The following MRM2 variants were observed in gnomAD, a reference collection of about 807,000 sequenced individuals.
The protein encoded by MRM2 is mitochondrial rRNA methyltransferase 2, also known as rRNA methyltransferase 2, mitochondrial.
A neutral mutation model predicts 10.9 loss-of-function variants in MRM2; 15 were observed. The ratio of observed to expected loss-of-function variants is 1.37; its 90% confidence interval spans 0.92 to 2.11. MRM2 has a LOEUF of 2.11. Among genes scored for constraint, MRM2 ranks in the 30% most tolerant of loss-of-function variants. The probability of loss-of-function intolerance (pLI) is 0.00; values close to 1 mark genes in which losing one functional copy is unlikely to be tolerated. For missense variants in MRM2, 328 were observed against 321.3 expected, an observed-to-expected ratio of 1.02 and a Z score of -0.16; for synonymous variants, 139 against 128.7, an observed-to-expected ratio of 1.08 and a Z score of -0.54.
rs1341135683 is a variant in MRM2 at position 2,234,366 on chromosome 7, C to G, written c.*756G>C. ...ATTTCCAGCAAAAACCAAAGCAGACCCACTGCCTGGATAAATTCAGACCAT... is the reference window on the plus strand; with the variant it reads ...ATTTCCAGCAAAAACCAAAGCAGACGCACTGCCTGGATAAATTCAGACCAT... On this transcript the variant is annotated 3_prime_UTR_variant, in exon 3 of 3. Coordinates refer to ENST00000242257, the MANE Select transcript of MRM2 (RefSeq NM_013393.3). The G allele has an allele frequency of 1.3e-5, 2 of 151,984 alleles. No individual in the cohort carries two copies. The highest frequency in any genetic ancestry group is 2.9e-5 in the Non-Finnish European group (2 of 68,040). 9.4% of individuals were successfully genotyped at this position (151,984 alleles called of 1,614,324 possible).
chr7:2,235,631 T>G (rs1005402181), intron 2 of MRM2, 67 bp from the exon 3 acceptor site: 3 of 1,065,202 alleles, frequency 2.8e-6, no homozygotes, highest in Non-Finnish European at 4.1e-6. Context: ...ATACAGTACA[T>G]GCAACAAAGT....
At chr7:2,237,336 A>G (rs953748320) in intron 2 of MRM2, among the ~76,000 whole-genome samples, 19 of 152,144 alleles carry the variant, frequency 1.2e-4, no homozygotes, top group African/African-American at 4.3e-4. Flanking sequence ...TCACTCCTAT[A>G]ATATCCAGTA....
At chr7:2,239,001 AT>A (rs1367881721) in intron 2 of MRM2, 21,213 of 113,470 alleles carry the variant, frequency 0.19, 3,515 homozygotes, top group African/African-American at 0.29. Context: ...ATATATATAT[AT>A]ATATATATAT....
chr7:2,234,979 GAGAA>G lies in MRM2; in HGVS notation c.*139_*142del. On this transcript the variant is annotated 3_prime_UTR_variant, in exon 3 of 3. Transcript: ENST00000242257. ...CTCTTTTTGGTTAAAAAGAGAGAGA[GAGAA>G]AGAGAGAGAGAGACTCCCCACTTGT... is the stretch of plus-strand genomic sequence containing the variant. 1.6e-6 allele frequency: 1 copy of G among 643,958 alleles called. No homozygotes were observed. The highest frequency in any genetic ancestry group is 2.0e-5 in the South Asian group (1 of 50,618). 39.9% of individuals were successfully genotyped at this position (643,958 alleles called of 1,614,324 possible).
intron 2 of MRM2, among the ~76,000 whole-genome samples, chr7:2,236,724 C>T (rs931044391): frequency 1.1e-4 from 16 of 152,186 alleles, no homozygotes; most frequent in Non-Finnish European, 2.1e-4. Flanking sequence ...ACCGTTGGAA[C>T]AGCCTTTCTG....
Position 2,241,093 on chromosome 7 carries a change from T to C in MRM2, c.8+1069A>G, listed in dbSNP as rs138348184. On this transcript the variant is annotated intron_variant, in intron 1 of 2. Coordinates refer to ENST00000242257, the MANE Select transcript of MRM2 (RefSeq NM_013393.3). ...CACAGCTGACTGCAGCCACAGCCTC[T>C]GGGGCTCAAGTGAACCTCCCACCTC... Among the ~76,000 whole-genome samples the C allele has an allele frequency of 3.3e-3, 507 of 152,334 alleles. 3 individuals carry two copies. The highest frequency in any genetic ancestry group is 0.011 in the African/African-American group (476 of 41,578).
intron 2 of MRM2, chr7:2,238,217 C>T (rs1190587935): frequency 6.6e-6 from 1 of 152,192 alleles, no homozygotes; most frequent in Non-Finnish European, 1.5e-5. Context: ...ATGCAGCTAC[C>T]CTGGCTTTAC....
chr7:2,236,868 G>A (rs73041400), intron 2 of MRM2, among the ~76,000 whole-genome samples: 4,428 of 152,218 alleles, frequency 0.029, 101 homozygotes, highest in South Asian at 0.055. Context: ...TGTGAAGAGG[G>A]GGCTTTGAAT....
At chr7:2,236,229 C>CAAAAGA (rs373214324) in intron 2 of MRM2, among the ~76,000 whole-genome samples, 22 of 151,854 alleles carry the variant, frequency 1.4e-4, no homozygotes, top group Non-Finnish European at 2.4e-4. Context: ...GACTCGATCT[C>CAAAAGA]AAAAGAAAAA....
Position 2,242,178 on chromosome 7 carries a change from C to G in MRM2, c.-9G>C. 1 of 1,584,252 alleles carries G rather than the reference C, an allele frequency of 6.3e-7. No individual in the cohort carries two copies. Among genetic ancestry groups the G allele is most frequent in the Non-Finnish European group, 8.5e-7 (1 of 1,170,264 alleles). Reference sequence around the variant, plus strand: ...CCAGCTCACCCCGCCATTGGTGTTCCCCGCGCCTGCAGCGCGCCGCCGGAA... The same window carrying G: ...CCAGCTCACCCCGCCATTGGTGTTCGCCGCGCCTGCAGCGCGCCGCCGGAA... On this transcript the variant is annotated 5_prime_UTR_variant, in exon 1 of 3. Coordinates refer to ENST00000242257, the MANE Select transcript of MRM2 (RefSeq NM_013393.3).
intron 2 of MRM2, among the ~76,000 whole-genome samples, chr7:2,237,449 CT>C (rs1562400928): frequency 6.6e-6 from 1 of 152,288 alleles, no homozygotes; most frequent in Admixed American, 6.5e-5. Flanking sequence ...ACGCTCTCTC[CT>C]TCTGTCACTT....
At chr7:2,242,014 C>T in intron 1 of MRM2, 148 bp downstream of exon 1, 1 of 818,274 alleles carries the variant, frequency 1.2e-6, no homozygotes, top group East Asian at 3.4e-5. Flanking sequence ...GACCCGGAAT[C>T]CTGGCCTCGC....
Position 2,235,157 on chromosome 7 carries a change from G to A in MRM2, c.706C>T (p.Gln236Ter), listed in dbSNP as rs374833805. Residue 236 changes from glutamine (Q) to a stop codon, truncating the protein, a stop_gained, in exon 3 of 3, where the codon CAG becomes TAG. Transcript: ENST00000242257. LOFTEE classifies it high-confidence loss of function. ...ACAGTGCCCTTCCTTCCGTGGTACTGTGTGGCCAAGAAGTACACTTCTGAT... is the reference window on the plus strand; with the variant it reads ...ACAGTGCCCTTCCTTCCGTGGTACTATGTGGCCAAGAAGTACACTTCTGAT... ...ESSEVYFLAT[Q>*]YHGRKGTVKQ 6.2e-7 allele frequency: 1 copy of A among 1,613,894 alleles called. No individual in the cohort carries two copies. The highest frequency in any genetic ancestry group is 8.5e-7 in the Non-Finnish European group (1 of 1,179,920).
Position 2,242,205 on chromosome 7 carries a change from T to C in MRM2, c.-36A>G. On this transcript the variant is annotated 5_prime_UTR_variant, in exon 1 of 3. Transcript: ENST00000242257. ...CGCGCCTGCAGCGCGCCGCCGGAAGTGCCTGGCCTCACTTCCGGTCAGAGG... is the reference window on the plus strand; with the variant it reads ...CGCGCCTGCAGCGCGCCGCCGGAAGCGCCTGGCCTCACTTCCGGTCAGAGG... 6.4e-7 allele frequency: 1 copy of C among 1,565,960 alleles called. No individual in the cohort carries two copies. The highest frequency in any genetic ancestry group is 8.6e-7 in the Non-Finnish European group (1 of 1,162,472).
chr7:2,239,051 T>A, intron 2 of MRM2: 2 of 573,060 alleles, frequency 3.5e-6, no homozygotes, highest in Non-Finnish European at 6.5e-6. Context: ...TATGTATCAT[T>A]AAGCAAAAAT....
chr7:2,236,727 CCTTT>C (rs1397955112), intron 2 of MRM2, among the ~76,000 whole-genome samples: 1 of 152,176 alleles, frequency 6.6e-6, no homozygotes, highest in Admixed American at 6.5e-5. Context: ...GTTGGAACAG[CCTTT>C]CTGTTAAGCA....
chr7:2,236,216 C>T (rs112191370), intron 2 of MRM2, among the ~76,000 whole-genome samples: 3,452 of 152,026 alleles, frequency 0.023, 143 homozygotes, highest in African/African-American at 0.079. Flanking sequence ...GGCGACAGAG[C>T]GAGACTCGAT....
chr7:2,237,319 T>G (rs961148169), intron 2 of MRM2, among the ~76,000 whole-genome samples: 3 of 152,230 alleles, frequency 2.0e-5, no homozygotes, highest in Admixed American at 1.3e-4. Context: ...TTTATGCTCC[T>G]GAGCTTTCAC....
intron 2 of MRM2, chr7:2,238,102 G>A (rs1166976716): frequency 6.6e-6 from 1 of 152,144 alleles, no homozygotes; most frequent in Non-Finnish European, 1.5e-5. Context: ...CCCTGAGCCT[G>A]TTTTCTCACC....
Sources: allele counts gnomAD v4.1 joint callset (sites outside exome capture counted in the v4.1 genomes callset), GRCh38; gene constraint gnomAD v4.1.1; transcripts MANE v1.5; gene names NCBI Gene and HGNC (gene_info 2026-07-23, HGNC 2026-07-21).